ZNF804B: variants seen among roughly 807,000 people sequenced by gnomAD.
The protein encoded by ZNF804B is zinc finger protein 804B, also known as zinc finger 804B.
Under a neutral mutation model 101.4 loss-of-function variants are expected in ZNF804B, and 80 were observed. That is an observed-to-expected ratio of 0.79 (90% CI 0.66 to 0.95). The LOEUF is 0.95. Ranked by LOEUF, ZNF804B falls within the 40% of genes least tolerant of loss-of-function variation. The pLI, the probability that ZNF804B is intolerant of heterozygous loss-of-function variation, is 0.00. For synonymous variants in ZNF804B, 622 were observed against 558.8 expected (o/e 1.11, Z -1.59); for missense variants, 1,673 against 1,561.9 (o/e 1.07, Z -1.20).
chr7:89,333,448 G>T lies in ZNF804B; in HGVS notation c.466G>T (p.Gly156Cys), dbSNP rs1193786715. The T allele has an allele frequency of 6.2e-7, 1 of 1,613,028 alleles. No homozygotes were observed. Among genetic ancestry groups the T allele is most frequent in the East Asian group, 2.2e-5 (1 of 44,834 alleles). The change falls in exon 4 of 4, where the codon GGC becomes TGC. Residue 156 changes from glycine to cysteine, a missense_variant. Coordinates refer to ENST00000333190, the MANE Select transcript of ZNF804B (RefSeq NM_181646.5). ...LQQGIFPIKNGRKVSCMKSAL... is the reference protein window; with the variant it reads ...LQQGIFPIKNCRKVSCMKSAL... Reference sequence around the variant, plus strand: ...GCAAGGAATTTTCCCCATTAAGAATGGCAGAAAGGTATCATGCATGAAGAG... The same window carrying T: ...GCAAGGAATTTTCCCCATTAAGAATTGCAGAAAGGTATCATGCATGAAGAG...
chr7:88,928,785 A>G (rs1359634599), intron 1 of ZNF804B, among the ~76,000 whole-genome samples: 1 of 152,144 alleles, frequency 6.6e-6, no homozygotes, highest in African/African-American at 2.4e-5. Context: ...ATAAGAAAAC[A>G]CTGCTTGTAA....
chr7:88,876,615 A>G (rs1791943691), intron 1 of ZNF804B, among the ~76,000 whole-genome samples: 1 of 151,286 alleles, frequency 6.6e-6, no homozygotes, highest in Non-Finnish European at 1.5e-5. Flanking sequence ...TCACTTCTTT[A>G]CTCTCTTGTT....
intron 1 of ZNF804B, among the ~76,000 whole-genome samples, chr7:88,827,732 T>C (rs1382968164): frequency 6.6e-6 from 1 of 152,118 alleles, no homozygotes; most frequent in East Asian, 1.9e-4. Flanking sequence ...GCGTTCTCTG[T>C]GCAGCATGCC....
chr7:89,235,760 T>A (rs1329426668), intron 2 of ZNF804B, among the ~76,000 whole-genome samples: 2 of 111,098 alleles, frequency 1.8e-5, no homozygotes, highest in Non-Finnish European at 3.9e-5. Flanking sequence ...TAGGCCCCAA[T>A]TTTTTTTTTT....
chr7:89,249,850 T>TG lies in ZNF804B; in HGVS notation c.249+31558dup, dbSNP rs57098479. Among the ~76,000 whole-genome samples, 666 of 152,180 alleles carry TG rather than the reference T, an allele frequency of 4.4e-3. 8 individuals are homozygous for TG. Among genetic ancestry groups the TG allele is most frequent in the African/African-American group, 0.015 (635 of 41,526 alleles). Reference sequence around the variant, plus strand: ...CCAAATAATTTATGAAACCAAAAGTTGGGTCTCTGAAGAATAAGTAGGATT... The same window carrying TG: ...CCAAATAATTTATGAAACCAAAAGTTGGGGTCTCTGAAGAATAAGTAGGATT... On this transcript the variant is annotated intron_variant, in intron 2 of 3. Coordinates refer to ENST00000333190, the MANE Select transcript of ZNF804B (RefSeq NM_181646.5).
intron 1 of ZNF804B, among the ~76,000 whole-genome samples, chr7:89,044,302 C>A (rs1409416839): frequency 6.6e-6 from 1 of 152,166 alleles, no homozygotes; most frequent in Non-Finnish European, 1.5e-5. Flanking sequence ...CCTTCCCAGC[C>A]CTGTGGAACA....
intron 1 of ZNF804B, among the ~76,000 whole-genome samples, chr7:89,025,144 A>G (rs1289460516): frequency 6.6e-6 from 1 of 152,104 alleles, no homozygotes; most frequent in Admixed American, 6.6e-5. Context: ...TTGATTCTCA[A>G]GTACTCATAA....
chr7:89,171,691 TC>T (rs1446962416), intron 1 of ZNF804B, among the ~76,000 whole-genome samples: 2 of 152,112 alleles, frequency 1.3e-5, no homozygotes, highest in African/African-American at 4.8e-5. Context: ...TGCCTTGGCC[TC>T]CCAAAGTGCT....
At chr7:88,763,344 G>T (rs1789926588) in intron 1 of ZNF804B, among the ~76,000 whole-genome samples, 1 of 152,146 alleles carries the variant, frequency 6.6e-6, no homozygotes, top group Admixed American at 6.5e-5. Flanking sequence ...CCCCCAAACA[G>T]TTTTTGCAGA....
At chr7:88,923,859 G>A (rs1327476715) in intron 1 of ZNF804B, among the ~76,000 whole-genome samples, 1 of 151,904 alleles carries the variant, frequency 6.6e-6, no homozygotes, top group Non-Finnish European at 1.5e-5. Flanking sequence ...CTGTTTTTAA[G>A]GTACCATGAT....
chr7:89,011,234 T>G (rs1265129338), intron 1 of ZNF804B, among the ~76,000 whole-genome samples: 1 of 152,114 alleles, frequency 6.6e-6, no homozygotes, highest in Non-Finnish European at 1.5e-5. Flanking sequence ...GGGAAAACCC[T>G]TCCCATGATC....
intron 1 of ZNF804B, among the ~76,000 whole-genome samples, chr7:89,199,578 T>C (rs56137721): frequency 0.083 from 12,669 of 151,934 alleles, 713 homozygotes; most frequent in South Asian, 0.18. Context: ...ATTTAACAGA[T>C]GACAAAACAG....
Position 89,148,232 on chromosome 7 carries a change from T to C in ZNF804B, c.109-69923T>C, listed in dbSNP as rs543915779. Among the ~76,000 whole-genome samples the C allele has an allele frequency of 2.6e-5, 4 of 152,232 alleles. No homozygotes were observed. The East Asian group carries it at 7.7e-4, about 29-fold the overall frequency. Reference sequence around the variant, plus strand: ...ATCTATATCTTAGGATTGTTATATATGGTTACTTCTTATAAAATACTTAGT... The same window carrying C: ...ATCTATATCTTAGGATTGTTATATACGGTTACTTCTTATAAAATACTTAGT... On this transcript the variant is annotated intron_variant, in intron 1 of 3. Transcript: ENST00000333190.
At chr7:89,138,010 C>T (rs933477121) in intron 1 of ZNF804B, among the ~76,000 whole-genome samples, 10 of 152,086 alleles carry the variant, frequency 6.6e-5, no homozygotes, top group Non-Finnish European at 7.4e-5. Flanking sequence ...GGTGCAAGCC[C>T]GAGCCTTGGC....
At chr7:88,963,015 C>T (rs960974285) in intron 1 of ZNF804B, among the ~76,000 whole-genome samples, 7 of 150,804 alleles carry the variant, frequency 4.6e-5, no homozygotes, top group South Asian at 2.1e-4. Flanking sequence ...CCATCTAAGA[C>T]GGTCTCAAAA....
chr7:88,860,664 T>C (rs1346013215), intron 1 of ZNF804B, among the ~76,000 whole-genome samples: 2 of 152,084 alleles, frequency 1.3e-5, no homozygotes, highest in African/African-American at 4.8e-5. Flanking sequence ...AGAATTGTGC[T>C]AACAAAAGGA....
At chr7:89,198,603 A>G (rs137873438) in intron 1 of ZNF804B, among the ~76,000 whole-genome samples, 1,533 of 152,106 alleles carry the variant, frequency 0.01, 9 homozygotes, top group Middle Eastern at 0.021. Flanking sequence ...AAGTTAATAC[A>G]TGTAATTACA....
At chr7:89,020,119 CTCTT>C (rs1788641952) in intron 1 of ZNF804B, among the ~76,000 whole-genome samples, 1 of 152,060 alleles carries the variant, frequency 6.6e-6, no homozygotes, top group Admixed American at 6.5e-5. Context: ...TAGAACCTTT[CTCTT>C]TCTTTTTTGT....
At chr7:89,323,104 G>A (rs945508797) in intron 2 of ZNF804B, among the ~76,000 whole-genome samples, 2 of 152,202 alleles carry the variant, frequency 1.3e-5, no homozygotes, top group African/African-American at 4.8e-5. Context: ...TCTTCTCTCT[G>A]GCCTAGGCCA....
Sources: gnomAD v4.1 joint callset for allele counts (sites outside exome capture counted in the v4.1 genomes callset) on GRCh38, gnomAD v4.1.1 for gene constraint, MANE v1.5 for transcripts, NCBI Gene and HGNC (gene_info 2026-07-23, HGNC 2026-07-21) for gene names.